Variants in ZNF605 observed in about 807,000 individuals in gnomAD.
ZNF605 encodes the protein zinc finger protein 605.
In ZNF605, 9 loss-of-function variants were observed where a neutral mutation model predicts 7.9. That is an observed-to-expected ratio of 1.14 (90% CI 0.68 to 1.98). ZNF605 has a LOEUF of 1.98. Ranked by LOEUF, ZNF605 falls within the 30% of genes most tolerant of loss-of-function variation. ZNF605 has a pLI of 0.00. For missense variants in ZNF605, 673 were observed against 762.4 expected (o/e 0.88, Z 1.38); for synonymous variants, 255 against 260.1 (o/e 0.98, Z 0.19).
chr12:132,933,271 C>A lies in ZNF605; in HGVS notation c.16-116G>T. 1 of 1,188,160 alleles carries A rather than the reference C, an allele frequency of 8.4e-7. No individual in the cohort carries two copies. The highest frequency in any genetic ancestry group is 1.2e-6 in the Non-Finnish European group (1 of 863,538). 73.6% of individuals were successfully genotyped at this position (1,188,160 alleles called of 1,614,324 possible). A position where few individuals can be genotyped will look rare whatever the true frequency, so the allele number is the denominator to read the frequency against. The stretch of plus-strand genomic sequence containing the variant: ...AGATGGCCCCAGTGACCTCTGACTC[C>A]GGTATTCATGCTTTTGCATAATCCT... On this transcript the variant is annotated intron_variant, in intron 3 of 4. Transcript: ENST00000360187. The surrounding 1 kb of genome is among the most constrained non-coding windows in gnomAD (Gnocchi z 4.4).
At chr12:132,952,450 CAAAAA>C (rs76640666) in intron 1 of ZNF605, among the ~76,000 whole-genome samples, 11 of 88,940 alleles carry the variant, frequency 1.2e-4, no homozygotes, top group Admixed American at 1.3e-4. Flanking sequence ...GACTCTGTCT[CAAAAA>C]AAAAAAAAAA....
chr12:132,919,182 C>T lies in ZNF605; in HGVS notation c.*6191G>A, dbSNP rs559497656. 6 of 152,142 alleles carry T rather than the reference C, an allele frequency of 3.9e-5. No individual in the cohort carries two copies. The East Asian group carries it at 1.2e-3, about 29-fold the overall frequency. 9.4% of individuals were successfully genotyped at this position (152,142 alleles called of 1,614,324 possible). On this transcript the variant is annotated 3_prime_UTR_variant, in exon 5 of 5. Coordinates refer to ENST00000360187, the MANE Select transcript of ZNF605 (RefSeq NM_183238.4). The stretch of plus-strand genomic sequence containing the variant: ...TCCCACCCCCTATTGTAAGTTTAAG[C>T]TTGATTTGTTTTTTTAAGTACTTTT...
chr12:132,951,055 T>G (rs1952558031), intron 1 of ZNF605, among the ~76,000 whole-genome samples: 1 of 145,542 alleles, frequency 6.9e-6, no homozygotes, highest in Non-Finnish European at 1.5e-5. Context: ...CACAGATACA[T>G]CATACACAGA....
In ZNF605 at chr12:132,933,283, T is replaced by A; in HGVS notation, c.16-128A>T. 9.5e-7 allele frequency: 1 copy of A among 1,047,514 alleles called. No homozygotes were observed. The highest frequency in any genetic ancestry group is 1.3e-6 in the Non-Finnish European group (1 of 742,778). The allele number at this position is 1,047,514 out of a possible 1,614,324, so 64.9% of individuals were successfully genotyped here. A position where few individuals can be genotyped will look rare whatever the true frequency, so the allele number is the denominator to read the frequency against. ...TGACCTCTGACTCCGGTATTCATGC[T>A]TTTGCATAATCCTCCCCTCTTGACC... On this transcript the variant is annotated intron_variant, in intron 3 of 4. Coordinates refer to ENST00000360187, the MANE Select transcript of ZNF605 (RefSeq NM_183238.4). The surrounding 1 kb of genome is among the most constrained non-coding windows in gnomAD (Gnocchi z 4.4).
Position 132,927,172 on chromosome 12 carries a change from G to A in ZNF605, c.137-10C>T. The A allele has an allele frequency of 4.6e-6, 7 of 1,521,568 alleles. No homozygotes were observed. Among genetic ancestry groups the A allele is most frequent in the Admixed American group, 2.2e-5 (1 of 45,442 alleles). The allele number at this position is 1,521,568 out of a possible 1,614,324, so 94.3% of individuals were successfully genotyped here. On this transcript the variant is annotated splice_polypyrimidine_tract_variant and intron_variant, in intron 4 of 4. Transcript: ENST00000360187. ...TTATCTAGCCAGACTTCTAAAAAGA[G>A]AAAAAAATGAACCATACTGTGTAAT...
intron 3 of ZNF605, among the ~76,000 whole-genome samples, chr12:132,942,113 G>A (rs1221729990): frequency 6.6e-6 from 1 of 152,130 alleles, no homozygotes; most frequent in Non-Finnish European, 1.5e-5. Flanking sequence ...AATGAAAACA[G>A]GAGACATTTT....
intron 1 of ZNF605, among the ~76,000 whole-genome samples, chr12:132,951,700 G>A (rs886228858): frequency 2.7e-5 from 4 of 150,748 alleles, no homozygotes; most frequent in South Asian, 2.1e-4. Context: ...AGATATACAC[G>A]TACACCACAC....
In ZNF605 at chr12:132,945,732, A is replaced by C; in HGVS notation, c.-97T>G. The stretch of plus-strand genomic sequence containing the variant: ...TCAGTGGTCTGTAAACTGAGAATAC[A>C]TCCTTGGTCTTGTGGGCTCTTCTTT... On this transcript the variant is annotated 5_prime_UTR_variant, in exon 3 of 5. The change abolishes an upstream ATG in the 5' untranslated region. Transcript: ENST00000360187. The C allele has an allele frequency of 6.4e-7, 1 of 1,561,072 alleles. No individual in the cohort carries two copies.
At chr12:132,947,956 G>C (rs1952511183) in intron 2 of ZNF605, among the ~76,000 whole-genome samples, 192 bp downstream of exon 2, 1 of 152,028 alleles carries the variant, frequency 6.6e-6, no homozygotes, top group African/African-American at 2.4e-5. Context: ...AGCCTGGGCT[G>C]TTACTGCTGA....
rs1175837282 is a variant in ZNF605 at position 132,919,379 on chromosome 12, CTTTTT to C, written c.*5989_*5993del. The C allele has an allele frequency of 1.3e-4, 12 of 94,048 alleles. No homozygotes were observed. Among genetic ancestry groups the C allele is most frequent in the East Asian group, 8.7e-4 (3 of 3,432 alleles). 5.8% of individuals were successfully genotyped at this position (94,048 alleles called of 1,614,324 possible). A position where few individuals can be genotyped will look rare whatever the true frequency, so the allele number is the denominator to read the frequency against. ...AGCCACCACATCTGGCCAGTAATGC[CTTTTT>C]TTTTTTTTTTTTTTTTTTTGAGATG... On this transcript the variant is annotated 3_prime_UTR_variant, in exon 5 of 5. Transcript: ENST00000360187.
intron 1 of ZNF605, among the ~76,000 whole-genome samples, chr12:132,950,424 GAC>G (rs1303980193): frequency 6.6e-6 from 1 of 151,464 alleles, no homozygotes; most frequent in East Asian, 2.0e-4. Context: ...CACACGTACA[GAC>G]ACGCACATAC....
At chr12:132,939,728 A>C (rs7972043) in intron 3 of ZNF605, among the ~76,000 whole-genome samples, 2,703 of 152,264 alleles carry the variant, frequency 0.018, 82 homozygotes, top group African/African-American at 0.061. Context: ...CCTCTTCCAC[A>C]CTGTGCAGGC....
Position 132,924,726 on chromosome 12 carries a change from C to T in ZNF605, c.*647G>A, listed in dbSNP as rs1952230765. 6.6e-6 allele frequency: 1 copy of T among 152,218 alleles called. No individual in the cohort carries two copies. The highest frequency in any genetic ancestry group is 1.5e-5 in the Non-Finnish European group (1 of 68,064). 9.4% of individuals were successfully genotyped at this position (152,218 alleles called of 1,614,324 possible). The stretch of plus-strand genomic sequence containing the variant: ...TTGTCCTATGTCTAAAAACCATTAC[C>T]TATTATACGTATTGTATAGCTTCCA... On this transcript the variant is annotated 3_prime_UTR_variant, in exon 5 of 5. Transcript: ENST00000360187.
intron 3 of ZNF605, among the ~76,000 whole-genome samples, chr12:132,943,617 G>C (rs1284340879): frequency 6.6e-6 from 1 of 152,128 alleles, no homozygotes; most frequent in Non-Finnish European, 1.5e-5. Flanking sequence ...TCGTTGGGGT[G>C]GGGGAGAACC....
intron 4 of ZNF605, among the ~76,000 whole-genome samples, chr12:132,929,910 A>G (rs1952289956): frequency 6.6e-6 from 1 of 152,222 alleles, no homozygotes; most frequent in African/African-American, 2.4e-5. Context: ...GTGCCACTGC[A>G]CTCCAGCGTG....
At chr12:132,939,055 T>G (rs544617465) in intron 3 of ZNF605, among the ~76,000 whole-genome samples, 1 of 151,444 alleles carries the variant, frequency 6.6e-6, no homozygotes, top group South Asian at 2.1e-4. Flanking sequence ...TGGGCTCCCA[T>G]GCGGCCCCAG....
rs191518861 is a variant in ZNF605, at chr12:132,920,778, C to G, written c.*4595G>C. On this transcript the variant is annotated 3_prime_UTR_variant, in exon 5 of 5. Coordinates refer to ENST00000360187, the MANE Select transcript of ZNF605 (RefSeq NM_183238.4). ...CTTGAACTCCTGGGCTCAAGTGACCCTTCTGCCTCAGCTTCCCAAGTAGCT... is the reference window on the plus strand; with the variant it reads ...CTTGAACTCCTGGGCTCAAGTGACCGTTCTGCCTCAGCTTCCCAAGTAGCT... 37 of 152,294 alleles carry G rather than the reference C, an allele frequency of 2.4e-4. No individual in the cohort carries two copies. Among genetic ancestry groups the G allele is most frequent in the Middle Eastern group, 3.4e-3 (1 of 294 alleles). 9.4% of individuals were successfully genotyped at this position (152,294 alleles called of 1,614,324 possible).
chr12:132,925,462 C>A lies in ZNF605; in HGVS notation c.1837G>T (p.Gly613Ter), dbSNP rs1003650492. Reference protein sequence around the residue: ...HLMRHQRIHTGDKYYGCNECG... With the variant: ...HLMRHQRIHT The stretch of plus-strand genomic sequence containing the variant: ...TCATTGCATCCATAGTATTTATCTC[C>A]TGTATGAATCCTCTGATGCCTCATA... The change falls in exon 5 of 5, where the codon GGA (glycine) becomes TGA (stop). Residue 613 changes from glycine (G) to a stop codon, truncating the protein, a stop_gained. Transcript: ENST00000360187. LOFTEE classifies it low-confidence loss of function (END_TRUNC). 84 of 1,614,056 alleles carry A rather than the reference C, an allele frequency of 5.2e-5. No homozygotes were observed. Among genetic ancestry groups the A allele is most frequent in the Non-Finnish European group, 6.8e-5 (80 of 1,180,034 alleles).
At chr12:132,945,508 A>G (rs1770998487) in intron 3 of ZNF605, 113 bp downstream of exon 3, 1 of 494,046 alleles carries the variant, frequency 2.0e-6, no homozygotes, top group South Asian at 2.1e-5. Flanking sequence ...GAAACAGAGG[A>G]TAAACCGATA....
Sources: gnomAD v4.1 joint callset for allele counts (sites outside exome capture counted in the v4.1 genomes callset) on GRCh38, gnomAD v4.1.1 for gene constraint, Gnocchi (gnomAD v3.1) non-coding constraint, MANE v1.5 for transcripts, NCBI Gene and HGNC (gene_info 2026-07-23, HGNC 2026-07-21) for gene names.